Variants in SSH2 observed in about 807,000 individuals in gnomAD.
SSH2 encodes the protein protein phosphatase Slingshot homolog 2.
Under a neutral mutation model 135.2 loss-of-function variants are expected in SSH2, and 37 were observed. The observed-to-expected ratio is 0.27, with a 90% CI of 0.21 to 0.36. The LOEUF (loss-of-function observed/expected upper bound fraction) is 0.36. Ranked by LOEUF, SSH2 falls within the 10% of genes least tolerant of loss-of-function variation. The pLI, the probability that SSH2 is intolerant of heterozygous loss-of-function variation, is 1.00. For missense variants in SSH2, 1,408 were observed against 1,765.3 expected, an observed-to-expected ratio of 0.80 and a Z score of 3.63; for synonymous variants, 628 against 646.2, an observed-to-expected ratio of 0.97 and a Z score of 0.43.
chr17:29,632,631 A>G lies in SSH2; in HGVS notation c.2563T>C (p.Cys855Arg). 2.5e-6 allele frequency: 4 copies of G among 1,614,154 alleles called. No individual in the cohort carries two copies. The highest frequency in any genetic ancestry group is 3.4e-6 in the Non-Finnish European group (4 of 1,180,032). ...GCTATAGATGAGTGTGTGGTTAGGC[A>G]GCCTTCTGGGTTGCACATCCCTGAG... The part of the protein sequence containing the change: ...KDSGMCNPEG[C>R]LTTHSSIADL... The change falls in exon 16 of 16, where the codon TGC (cysteine) becomes CGC (arginine). Residue 855 changes from cysteine (C) to arginine (R), a missense_variant. This residue lies in a region of SSH2 where 1,080 missense variants were observed against 1,144.5 expected (regional missense o/e 0.94). Transcript: ENST00000540801.
chr17:29,687,128 G>A (rs1441114875), intron 5 of SSH2, among the ~76,000 whole-genome samples: 1 of 151,966 alleles, frequency 6.6e-6, no homozygotes, highest in Non-Finnish European at 1.5e-5. Context: ...TTTCAGTGCT[G>A]CTGTTCTTGG....
intron 3 of SSH2, among the ~76,000 whole-genome samples, chr17:29,742,110 A>AT (rs2040579406): frequency 6.6e-6 from 1 of 150,688 alleles, no homozygotes; most frequent in Admixed American, 6.6e-5. Context: ...AATTTTTTGT[A>AT]TTTTTAGTAG....
At chr17:29,643,798 A>G (rs927210521) in intron 14 of SSH2, among the ~76,000 whole-genome samples, 10 of 152,122 alleles carry the variant, frequency 6.6e-5, no homozygotes, top group Admixed American at 5.9e-4. Context: ...CCGGCTGTGA[A>G]TATGTTTTAT....
rs2067162803 is a variant in SSH2, at chr17:29,930,141, C to T, written c.-141G>A. The T allele has an allele frequency of 6.7e-6, 5 of 747,060 alleles. No individual in the cohort carries two copies. Among genetic ancestry groups the T allele is most frequent in the Non-Finnish European group, 8.6e-6 (4 of 463,408 alleles). 46.3% of individuals were successfully genotyped at this position (747,060 alleles called of 1,614,324 possible). A position where few individuals can be genotyped will look rare whatever the true frequency, so the allele number is the denominator to read the frequency against. ...AGGAGGAGGAGGCCGCGGGAACGGC[C>T]GCAGACTCCGCACCCACCACCAGAC... On this transcript the variant is annotated 5_prime_UTR_variant, in exon 1 of 16. Coordinates refer to ENST00000540801, the MANE Select transcript of SSH2 (RefSeq NM_001282129.2).
intron 5 of SSH2, among the ~76,000 whole-genome samples, chr17:29,692,774 G>T (rs898327078): frequency 6.6e-6 from 1 of 152,188 alleles, no homozygotes; most frequent in African/African-American, 2.4e-5. Context: ...TTTCAAAGAG[G>T]TGTACTCCAA....
chr17:29,841,323 A>C (rs188455279), intron 2 of SSH2, among the ~76,000 whole-genome samples: 1 of 152,256 alleles, frequency 6.6e-6, no homozygotes, highest in Non-Finnish European at 1.5e-5. Flanking sequence ...TAAAACACAA[A>C]GTATAAAGTG....
At chr17:29,712,120 C>G (rs1598857691) in intron 3 of SSH2, among the ~76,000 whole-genome samples, 1 of 152,256 alleles carries the variant, frequency 6.6e-6, no homozygotes, top group Non-Finnish European at 1.5e-5. Flanking sequence ...AGAGGACTTC[C>G]AGGTCATAGG....
At chr17:29,690,274 G>A (rs1458434262) in intron 5 of SSH2, among the ~76,000 whole-genome samples, 1 of 150,644 alleles carries the variant, frequency 6.6e-6, no homozygotes, top group African/African-American at 2.4e-5. Flanking sequence ...GCGTGGTGGC[G>A]CATGCCGGTA....
At chr17:29,709,009 T>TAG (rs1365233569) in intron 3 of SSH2, among the ~76,000 whole-genome samples, 66 of 103,036 alleles carry the variant, frequency 6.4e-4, no homozygotes, top group African/African-American at 1.9e-3. Flanking sequence ...TATATATATA[T>TAG]ATATATAGAG....
chr17:29,745,497 C>A (rs775498039), intron 3 of SSH2, among the ~76,000 whole-genome samples: 1 of 152,126 alleles, frequency 6.6e-6, no homozygotes, highest in Non-Finnish European at 1.5e-5. Context: ...TTCTAAAGCA[C>A]AAATTGTACT....
chr17:29,801,885 T>C (rs1245804746), intron 2 of SSH2, among the ~76,000 whole-genome samples: 1 of 152,238 alleles, frequency 6.6e-6, no homozygotes, highest in Non-Finnish European at 1.5e-5. Flanking sequence ...AGTTACATTT[T>C]AGCCTTACCA....
At chr17:29,818,879 G>A (rs1391930636) in intron 2 of SSH2, among the ~76,000 whole-genome samples, 1 of 151,716 alleles carries the variant, frequency 6.6e-6, no homozygotes, top group Non-Finnish European at 1.5e-5. Context: ...CTTGAGACCA[G>A]GAGTTCGAGA....
chr17:29,631,499 G>A lies in SSH2; in HGVS notation c.3695C>T (p.Pro1232Leu), dbSNP rs370402850. Residue 1232 changes from proline to leucine, a missense_variant, in exon 16 of 16, where the codon CCA becomes CTA. Pro to Leu is a moderately conservative substitution (Grantham distance 98, BLOSUM62 -3). Coordinates refer to ENST00000540801, the MANE Select transcript of SSH2 (RefSeq NM_001282129.2). ...TGGGAGTCGACAGGCTACAGGCAATGGGTCCATTTTCTCCTGTAACTCCCC... is the reference window on the plus strand; with the variant it reads ...TGGGAGTCGACAGGCTACAGGCAATAGGTCCATTTTCTCCTGTAACTCCCC... Reference protein sequence around the residue: ...NTGELQEKMDPLPVACRLPHS... With the variant: ...NTGELQEKMDLLPVACRLPHS... The A allele has an allele frequency of 1.7e-4, 270 of 1,614,012 alleles. No individual in the cohort carries two copies. The highest frequency in any genetic ancestry group is 2.2e-4 in the Non-Finnish European group (255 of 1,180,028).
At chr17:29,767,298 A>G (rs1316507951) in intron 3 of SSH2, among the ~76,000 whole-genome samples, 1 of 152,022 alleles carries the variant, frequency 6.6e-6, no homozygotes, top group Admixed American at 6.6e-5. Context: ...TTTACAGATC[A>G]CTTTTCACAT....
At chr17:29,767,998 C>G (rs2041486055) in intron 3 of SSH2, among the ~76,000 whole-genome samples, 1 of 152,076 alleles carries the variant, frequency 6.6e-6, no homozygotes, top group Non-Finnish European at 1.5e-5. Flanking sequence ...ATCTTAGGAC[C>G]TGGTAGATAT....
At chr17:29,655,294 C>T (rs1281705777) in intron 12 of SSH2, among the ~76,000 whole-genome samples, 10 of 151,970 alleles carry the variant, frequency 6.6e-5, no homozygotes, top group African/African-American at 1.4e-4. Flanking sequence ...TTAGTAGAGA[C>T]GGGGTTTCAC....
chr17:29,749,933 G>T (rs2040875978), intron 3 of SSH2, among the ~76,000 whole-genome samples: 1 of 151,710 alleles, frequency 6.6e-6, no homozygotes, highest in Admixed American at 6.6e-5. Flanking sequence ...CACCATGTTG[G>T]CCAGGCTTGT....
chr17:29,665,255 T>C (rs2037222527), intron 11 of SSH2, among the ~76,000 whole-genome samples: 1 of 152,204 alleles, frequency 6.6e-6, no homozygotes, highest in Admixed American at 6.5e-5. Context: ...AATGACAGTT[T>C]TGCAGTATGA....
Position 29,650,684 on chromosome 17 carries a change from T to A in SSH2, c.1196A>T (p.Asn399Ile). 1 of 1,613,984 alleles carries A rather than the reference T, an allele frequency of 6.2e-7. No individual in the cohort carries two copies. Among genetic ancestry groups the A allele is most frequent in the Non-Finnish European group, 8.5e-7 (1 of 1,179,934 alleles). ...TTTAGAGATGAATTTGTAAGTGTCA[T>A]TCCAGTACGCCAGGAGATCCGTTGC... ...EEATDLLAYWNDTYKFISKAK... is the reference protein window; with the variant it reads ...EEATDLLAYWIDTYKFISKAK... The change falls in exon 13 of 16, where the codon AAT (asparagine) becomes ATT (isoleucine). Residue 399 changes from asparagine (N) to isoleucine (I), a missense_variant. This residue lies in a region of SSH2 where 106 missense variants were observed against 265.2 expected (regional missense o/e 0.40). Coordinates refer to ENST00000540801, the MANE Select transcript of SSH2 (RefSeq NM_001282129.2).
Sources: allele counts gnomAD v4.1 joint callset (sites outside exome capture counted in the v4.1 genomes callset), GRCh38; gene constraint gnomAD v4.1.1; regional missense constraint gnomAD v4.1.1; transcripts MANE v1.5; gene names NCBI Gene and HGNC (gene_info 2026-07-23, HGNC 2026-07-21).